The following VAV3 variants were observed in gnomAD, a reference collection of about 807,000 sequenced individuals.
The protein encoded by VAV3 is guanine nucleotide exchange factor VAV3.
VAV3 carries 94 observed loss-of-function variants against 131.2 expected under a neutral mutation model. The ratio of observed to expected loss-of-function variants is 0.72; its 90% CI spans 0.61 to 0.85. The LOEUF (loss-of-function observed/expected upper bound fraction) is 0.85. Among genes scored for constraint, VAV3 ranks in the 40% least tolerant of loss-of-function variants. VAV3 has a pLI of 0.00. For missense variants in VAV3, 939 were observed against 1,002.7 expected, an observed-to-expected ratio of 0.94 and a Z score of 0.86; for synonymous variants, 349 against 342.0, an observed-to-expected ratio of 1.02 and a Z score of -0.22.
chr1:107,708,967 C>A (rs986275799), intron 15 of VAV3, among the ~76,000 whole-genome samples: 1 of 151,938 alleles, frequency 6.6e-6, no homozygotes, highest in South Asian at 2.1e-4. Flanking sequence ...CCCACACACC[C>A]TATCCTATTG....
rs1246645220 is a variant in VAV3 at position 107,892,596 on chromosome 1, C to CA, written c.205-17580dup. Reference sequence around the variant, plus strand: ...TTCATCTTTGCTACCTGAATTTAGGCAAAAACCAAAAAATTAGTTACAAAA... The same window carrying CA: ...TTCATCTTTGCTACCTGAATTTAGGCAAAAAACCAAAAAATTAGTTACAAAA... On this transcript the variant is annotated intron_variant, in intron 1 of 26. Coordinates refer to ENST00000370056, the MANE Select transcript of VAV3 (RefSeq NM_006113.5). Among the ~76,000 whole-genome samples, 4 of 91,110 alleles carry CA rather than the reference C, an allele frequency of 4.4e-5. No individual in the cohort carries two copies. In the Admixed American group the frequency reaches 4.7e-4, roughly 11 times the overall value. The allele number at this position is 91,110 out of a possible 152,430, so 59.8% of individuals were successfully genotyped here.
chr1:107,896,731 T>C (rs995511337), intron 1 of VAV3, among the ~76,000 whole-genome samples: 9 of 151,976 alleles, frequency 5.9e-5, no homozygotes, highest in Middle Eastern at 3.4e-3. Context: ...ATCAGGGATA[T>C]AATCTGTATT....
At chr1:107,658,953 A>C (rs1656793191) in intron 19 of VAV3, among the ~76,000 whole-genome samples, 1 of 152,134 alleles carries the variant, frequency 6.6e-6, no homozygotes, top group South Asian at 2.1e-4. Context: ...CTTTAGTTTA[A>C]TTAGATCCCA....
intron 2 of VAV3, among the ~76,000 whole-genome samples, chr1:107,821,595 G>A (rs993593608): frequency 6.6e-6 from 1 of 152,190 alleles, no homozygotes; most frequent in Non-Finnish European, 1.5e-5. Context: ...TCTAGGAGCT[G>A]GTAGACAGCT....
intron 2 of VAV3, among the ~76,000 whole-genome samples, chr1:107,870,456 T>C (rs541406241): frequency 5.3e-5 from 8 of 152,310 alleles, no homozygotes; most frequent in African/African-American, 1.9e-4. Flanking sequence ...TGTCTATTCA[T>C]GTCCTTAGCC....
At chr1:107,916,188 A>T (rs1672612985) in intron 1 of VAV3, among the ~76,000 whole-genome samples, 1 of 152,180 alleles carries the variant, frequency 6.6e-6, no homozygotes, top group Non-Finnish European at 1.5e-5. Flanking sequence ...TGCACACAAA[A>T]AAATATATAT....
chr1:107,948,278 T>A (rs925062565), intron 1 of VAV3, among the ~76,000 whole-genome samples: 3 of 152,128 alleles, frequency 2.0e-5, no homozygotes, highest in Non-Finnish European at 4.4e-5. Context: ...GTCTTCATAG[T>A]AAGTGCTTCA....
At chr1:107,591,927 A>AT (rs1220562912) in intron 25 of VAV3, among the ~76,000 whole-genome samples, 1 of 152,152 alleles carries the variant, frequency 6.6e-6, no homozygotes, top group African/African-American at 2.4e-5. Context: ...ATGCGGTACT[A>AT]TTTTTTAATC....
chr1:107,716,662 C>T (rs897042356), intron 15 of VAV3, among the ~76,000 whole-genome samples: 5 of 152,166 alleles, frequency 3.3e-5, no homozygotes, highest in African/African-American at 1.2e-4. Context: ...ATTTTCACAT[C>T]GATGTTCATC....
intron 19 of VAV3, among the ~76,000 whole-genome samples, chr1:107,664,751 A>G (rs1657292690): frequency 6.6e-6 from 1 of 152,204 alleles, no homozygotes; most frequent in Non-Finnish European, 1.5e-5. Flanking sequence ...GGGACCCACA[A>G]TGCACACCAG....
intron 2 of VAV3, chr1:107,785,737 C>T: frequency 1.1e-6 from 1 of 873,646 alleles, no homozygotes; most frequent in Non-Finnish European, 1.4e-6. Flanking sequence ...GAAGCATAGT[C>T]TGTAGACCAG....
rs115492773 is a variant in VAV3 at position 107,642,784 on chromosome 1, T to C, written c.1778-29A>G. On this transcript the variant is annotated intron_variant, in intron 19 of 26. Coordinates refer to ENST00000370056, the MANE Select transcript of VAV3 (RefSeq NM_006113.5). ...AAAATAAGCCAAACAAGTTTTAGAATTGAGAAAACAATGATGCATGAAGTC... is the reference window on the plus strand; with the variant it reads ...AAAATAAGCCAAACAAGTTTTAGAACTGAGAAAACAATGATGCATGAAGTC... 4,335 of 1,612,400 alleles carry C rather than the reference T, an allele frequency of 2.7e-3. 119 individuals are homozygous for C. The African/African-American group carries it at 0.052, about 19-fold the overall frequency.
intron 2 of VAV3, among the ~76,000 whole-genome samples, chr1:107,826,009 T>C (rs1415399510): frequency 1.3e-5 from 2 of 152,010 alleles, no homozygotes; most frequent in African/African-American, 4.8e-5. Context: ...GCAACAGTAA[T>C]AGATGAGAAT....
Position 107,805,165 on chromosome 1 carries a change from T to C in VAV3, c.322-25673A>G, listed in dbSNP as rs1045704901. On this transcript the variant is annotated intron_variant, in intron 2 of 26. Coordinates refer to ENST00000370056, the MANE Select transcript of VAV3 (RefSeq NM_006113.5). The stretch of plus-strand genomic sequence containing the variant: ...CCTTATTGGGGTTGAATCTGTTTGC[T>C]GTTTCTCTGACCTTTCTGTGCCTAA... 7.2e-5 allele frequency among the ~76,000 whole-genome samples: 11 copies of C among 152,302 alleles called. No homozygotes were observed. The East Asian group carries it at 1.9e-3, about 27-fold the overall frequency.
chr1:107,697,863 C>A (rs151254230), intron 17 of VAV3, among the ~76,000 whole-genome samples: 142 of 152,256 alleles, frequency 9.3e-4, no homozygotes, highest in African/African-American at 2.9e-3. Context: ...GCCTAAAAAA[C>A]CATTAGAAAA....
rs1570933743 is a variant in VAV3, at chr1:107,773,794, C to T, written c.447-951G>A. Among the ~76,000 whole-genome samples, 5 of 152,224 alleles carry T rather than the reference C, an allele frequency of 3.3e-5. No homozygotes were observed. In the South Asian group the frequency reaches 1.0e-3, roughly 32 times the overall value. ...ATCGGTTTGCACATTCTCTGTACCA[C>T]ATCAAAGGATAGGAAGGTCTGGTGA... On this transcript the variant is annotated intron_variant, in intron 4 of 26. Transcript: ENST00000370056.
chr1:107,581,841 T>C (rs959041688), intron 25 of VAV3, among the ~76,000 whole-genome samples: 6 of 152,204 alleles, frequency 3.9e-5, no homozygotes, highest in Admixed American at 3.3e-4. Context: ...TTTTTACACA[T>C]TGGAAACCAA....
At chr1:107,856,089 T>C (rs1206842429) in intron 2 of VAV3, among the ~76,000 whole-genome samples, 1 of 152,116 alleles carries the variant, frequency 6.6e-6, no homozygotes, top group African/African-American at 2.4e-5. Flanking sequence ...AGCTCACAAA[T>C]GACACTGTGA....
At chr1:107,658,597 C>T (rs1369012179) in intron 19 of VAV3, among the ~76,000 whole-genome samples, 8 of 152,000 alleles carry the variant, frequency 5.3e-5, no homozygotes, top group Non-Finnish European at 1.0e-4. Flanking sequence ...TCTCCACATC[C>T]TCTCCAGCAC....
Sources: allele counts gnomAD v4.1 joint callset (sites outside exome capture counted in the v4.1 genomes callset), GRCh38; gene constraint gnomAD v4.1.1; transcripts MANE v1.5; gene names NCBI Gene and HGNC (gene_info 2026-07-23, HGNC 2026-07-21).